RASAL2: variants seen among roughly 807,000 people sequenced by gnomAD.
RASAL2 encodes the protein ras GTPase-activating protein nGAP.
In RASAL2, 58 loss-of-function variants were observed where a neutral mutation model predicts 128.9. That is an observed-to-expected ratio of 0.45 (90% CI 0.36 to 0.56). RASAL2 has a LOEUF of 0.56. Among genes scored for constraint, RASAL2 ranks in the 20% least tolerant of loss-of-function variants. RASAL2 has a pLI of 0.00. For synonymous variants in RASAL2, 561 were observed against 580.8 expected (o/e 0.97, Z 0.49); for missense variants, 1,360 against 1,601.6 (o/e 0.85, Z 2.57).
At chr1:178,299,899 C>T in intron 2 of RASAL2, 93 bp from the exon 3 acceptor site, 1 of 1,325,068 alleles carries the variant, frequency 7.5e-7, no homozygotes. Context: ...TTGTTACACA[C>T]TCCTGTCTTC....
chr1:178,409,748 T>C (rs758873536), intron 4 of RASAL2, among the ~76,000 whole-genome samples: 2 of 152,202 alleles, frequency 1.3e-5, no homozygotes, highest in Non-Finnish European at 2.9e-5. Flanking sequence ...GCACAAAGCA[T>C]AGTGACCTGA....
chr1:178,295,459 C>T (rs1667452139), intron 2 of RASAL2, among the ~76,000 whole-genome samples: 1 of 140,254 alleles, frequency 7.1e-6, no homozygotes, highest in South Asian at 2.1e-4. Flanking sequence ...TGAGTGAGAA[C>T]AGCATTGGTT....
At chr1:178,370,290 G>A (rs190616001) in intron 3 of RASAL2, among the ~76,000 whole-genome samples, 176 of 152,260 alleles carry the variant, frequency 1.2e-3, no homozygotes, top group Non-Finnish European at 1.8e-3. Context: ...AGCAGAAGCC[G>A]TGTCACACCA....
chr1:178,417,795 T>A (rs1674867132), intron 4 of RASAL2, among the ~76,000 whole-genome samples: 1 of 147,084 alleles, frequency 6.8e-6, no homozygotes, highest in Non-Finnish European at 1.5e-5. Flanking sequence ...CACAAAAAGG[T>A]AGAATTAAAT....
rs561578887 is a variant in RASAL2 at position 178,214,779 on chromosome 1, C to T, written c.203-68785C>T. 1.6e-3 allele frequency among the ~76,000 whole-genome samples: 236 copies of T among 152,134 alleles called. 1 individual carries two copies. The highest frequency in any genetic ancestry group is 5.4e-3 in the African/African-American group (225 of 41,512). Reference sequence around the variant, plus strand: ...TTCACTGTGTTAGCCACGATGGTCTCGATCTCTTGACCTCGTGATCTGCCC... The same window carrying T: ...TTCACTGTGTTAGCCACGATGGTCTTGATCTCTTGACCTCGTGATCTGCCC... On this transcript the variant is annotated intron_variant, in intron 1 of 17. Transcript: ENST00000367649.
At chr1:178,447,537 G>C (rs1677088289) in intron 9 of RASAL2, among the ~76,000 whole-genome samples, 1 of 151,648 alleles carries the variant, frequency 6.6e-6, no homozygotes, top group Non-Finnish European at 1.5e-5. Context: ...AGCCAGGCAT[G>C]GTGGCGGGCA....
intron 14 of RASAL2, among the ~76,000 whole-genome samples, chr1:178,463,356 A>G (rs377240731): frequency 2.0e-5 from 3 of 152,306 alleles, no homozygotes; most frequent in African/African-American, 7.2e-5. Flanking sequence ...TATAAATTGT[A>G]ATATCTAATG....
chr1:178,257,037 A>G (rs1329284467), intron 1 of RASAL2, among the ~76,000 whole-genome samples: 1 of 151,160 alleles, frequency 6.6e-6, no homozygotes, highest in Non-Finnish European at 1.5e-5. Context: ...TATTCATAAA[A>G]CATCAAAAAG....
chr1:178,463,285 G>GA (rs573476282), intron 14 of RASAL2, among the ~76,000 whole-genome samples: 221 of 152,108 alleles, frequency 1.5e-3, no homozygotes, highest in African/African-American at 5.2e-3. Flanking sequence ...GGACAGAGGG[G>GA]AAAAAAATTG....
At chr1:178,315,787 T>G (rs1241478798) in intron 3 of RASAL2, among the ~76,000 whole-genome samples, 2 of 138,736 alleles carry the variant, frequency 1.4e-5, no homozygotes, top group Non-Finnish European at 1.5e-5. Flanking sequence ...AGAAGCTCTT[T>G]AGTTTAATTA....
chr1:178,193,145 A>G (rs951375012), intron 1 of RASAL2, among the ~76,000 whole-genome samples: 7 of 152,244 alleles, frequency 4.6e-5, no homozygotes, highest in Non-Finnish European at 1.0e-4. Flanking sequence ...TTTTTCTGCC[A>G]TGACAAATAA....
chr1:178,280,379 T>C (rs538292201), intron 1 of RASAL2, among the ~76,000 whole-genome samples: 2 of 152,210 alleles, frequency 1.3e-5, no homozygotes, highest in African/African-American at 4.8e-5. Flanking sequence ...CAGTTACATT[T>C]CATTAAAAAT....
At chr1:178,171,574 A>G (rs929185035) in intron 1 of RASAL2, among the ~76,000 whole-genome samples, 4 of 151,992 alleles carry the variant, frequency 2.6e-5, no homozygotes, top group African/African-American at 9.7e-5. Flanking sequence ...GTTGGTGTGG[A>G]TTATATTCCT....
At chr1:178,349,824 TG>T (rs1182912593) in intron 3 of RASAL2, among the ~76,000 whole-genome samples, 1 of 152,238 alleles carries the variant, frequency 6.6e-6, no homozygotes, top group Non-Finnish European at 1.5e-5. Context: ...TGTAATTCCT[TG>T]TTATATTGGA....
chr1:178,378,458 A>G (rs1672112042), intron 3 of RASAL2, among the ~76,000 whole-genome samples: 1 of 152,130 alleles, frequency 6.6e-6, no homozygotes, highest in Admixed American at 6.5e-5. Flanking sequence ...AGCTTGATTT[A>G]ATGGACATAT....
intron 3 of RASAL2, among the ~76,000 whole-genome samples, chr1:178,305,019 G>GA (rs1667927368): frequency 1.3e-5 from 2 of 151,996 alleles, no homozygotes; most frequent in East Asian, 1.9e-4. Flanking sequence ...TGAACAATCT[G>GA]AAAAAAAGAA....
intron 3 of RASAL2, among the ~76,000 whole-genome samples, chr1:178,326,503 T>C (rs796344874): frequency 6.6e-6 from 1 of 152,204 alleles, no homozygotes; most frequent in East Asian, 1.9e-4. Flanking sequence ...ATTATTGTAC[T>C]AAAAGTTTAT....
chr1:178,220,442 G>T (rs1283789871), intron 1 of RASAL2, among the ~76,000 whole-genome samples: 3 of 152,086 alleles, frequency 2.0e-5, no homozygotes, highest in Non-Finnish European at 4.4e-5. Context: ...TAACATCAAA[G>T]ATTATTTATC....
At chr1:178,105,867 G>T (rs1035290737) in intron 1 of RASAL2, among the ~76,000 whole-genome samples, 1 of 151,972 alleles carries the variant, frequency 6.6e-6, no homozygotes, top group African/African-American at 2.4e-5. Context: ...GTAGAGACGA[G>T]GTCTCACTGT....
Sources: gnomAD v4.1 joint callset for allele counts (sites outside exome capture counted in the v4.1 genomes callset) on GRCh38, gnomAD v4.1.1 for gene constraint, MANE v1.5 for transcripts, NCBI Gene and HGNC (gene_info 2026-07-23, HGNC 2026-07-21) for gene names.